Variants in DMD observed in about 807,000 individuals in gnomAD.
DMD encodes the protein dystrophin, also known as mutant dystrophin.
In DMD, 63 loss-of-function variants were observed where a neutral mutation model predicts 330.1. The ratio of observed to expected loss-of-function variants is 0.19; its 90% CI spans 0.16 to 0.24. The LOEUF is 0.24. Among genes scored for constraint, DMD ranks in the 10% least tolerant of loss-of-function variants. The pLI, the probability that DMD is intolerant of heterozygous loss-of-function variation, is 1.00. For synonymous variants in DMD, 1,223 were observed against 959.8 expected, an observed-to-expected ratio of 1.27 and a Z score of -5.07; for missense variants, 3,344 against 2,684.1, an observed-to-expected ratio of 1.25 and a Z score of -5.43.
At chrX:31,986,842 G>A (rs1047274825) in intron 44 of DMD, among the ~76,000 whole-genome samples, 1 of 112,221 alleles carries the variant, frequency 8.9e-6, no homozygotes, top group Non-Finnish European at 1.9e-5. Context: ...GAACTAAAAT[G>A]GGCACAGAAC....
At chrX:33,330,264 G>A (rs2054151604) in intron 1 of DMD, among the ~76,000 whole-genome samples, 1 of 110,914 alleles carries the variant, frequency 9.0e-6, no homozygotes, top group African/African-American at 3.3e-5. Flanking sequence ...GGAGGAGTTG[G>A]GTGTGAGGCT....
chrX:32,809,919 C>CCAAAAAAAAAAAAAAAAAA (rs2077222247), intron 6 of DMD, among the ~76,000 whole-genome samples: 2 of 28,659 alleles, frequency 7.0e-5, no homozygotes, highest in Admixed American at 6.6e-4. Flanking sequence ...TTGTTTCTAC[C>CCAAAAAAAAAAAAAAAAAA]AAAAAAAAAA....
rs181015618 is a variant in DMD at position 33,166,408 on chromosome X, T to C, written c.31+44874A>G. On this transcript the variant is annotated intron_variant, in intron 1 of 78. Transcript: ENST00000357033. ...ATTTCCCTTTCCAAATAATAACCCA[T>C]ACTCCTAAATTAAAACTTATGGTGA... Among the ~76,000 whole-genome samples, 10 of 111,718 alleles carry C rather than the reference T, an allele frequency of 9.0e-5. No homozygotes were observed. In the East Asian group the frequency reaches 2.8e-3, roughly 31 times the overall value.
At chrX:32,125,481 C>T (rs2096657309) in intron 44 of DMD, among the ~76,000 whole-genome samples, 1 of 111,428 alleles carries the variant, frequency 9.0e-6, no homozygotes, top group Non-Finnish European at 1.9e-5. Context: ...TCTGAGTTGC[C>T]TCTGATACAT....
At chrX:32,243,146 G>T (rs2097215799) in intron 43 of DMD, among the ~76,000 whole-genome samples, 1 of 109,651 alleles carries the variant, frequency 9.1e-6, no homozygotes, top group Non-Finnish European at 1.9e-5. Flanking sequence ...AATAGGAGAT[G>T]AAATTATATG....
chrX:31,918,190 C>T (rs1025633361), intron 47 of DMD, among the ~76,000 whole-genome samples: 6 of 112,339 alleles, frequency 5.3e-5, no homozygotes, highest in African/African-American at 1.3e-4. Context: ...TTTAACTCCT[C>T]GTAATAAAGT....
intron 57 of DMD, among the ~76,000 whole-genome samples, chrX:31,495,194 T>C (rs1376543239): frequency 9.2e-6 from 1 of 109,283 alleles, no homozygotes; most frequent in Non-Finnish European, 1.9e-5. Context: ...TCATGTTCTC[T>C]TCCCTTTTTA....
chrX:31,438,919 G>T (rs1039891851), intron 60 of DMD, among the ~76,000 whole-genome samples: 4 of 111,271 alleles, frequency 3.6e-5, no homozygotes, highest in African/African-American at 9.8e-5. Context: ...CCAAAGTAAA[G>T]AATATAAATG....
intron 1 of DMD, among the ~76,000 whole-genome samples, chrX:33,223,302 G>A (rs191063654): frequency 1.8e-5 from 2 of 111,649 alleles, no homozygotes; most frequent in African/African-American, 3.3e-5. Context: ...CAGAGAGAGG[G>A]AGACTCCATC....
intron 2 of DMD, among the ~76,000 whole-genome samples, chrX:32,991,500 A>C (rs2092974669): frequency 2.7e-5 from 3 of 112,133 alleles, no homozygotes. Flanking sequence ...GAGCACTTCA[A>C]ATGTAGCTAG....
chrX:32,356,104 C>A (rs1386887121), intron 37 of DMD, among the ~76,000 whole-genome samples: 1 of 110,282 alleles, frequency 9.1e-6, no homozygotes, highest in Non-Finnish European at 1.9e-5. Context: ...CAATCCAATA[C>A]ATCTTCATTG....
chrX:32,431,708 TTTTC>T (rs1446248406), intron 29 of DMD, among the ~76,000 whole-genome samples: 5 of 111,888 alleles, frequency 4.5e-5, no homozygotes, highest in Non-Finnish European at 9.4e-5. Context: ...TTTTACAATG[TTTTC>T]TTTTTTATAA....
In DMD at chrX:33,095,137, T is replaced by A. The variant is rs2095139978; in HGVS notation, c.32-74937A>T. Among the ~76,000 whole-genome samples the A allele has an allele frequency of 4.4e-5, 5 of 112,507 alleles. No individual in the cohort carries two copies. In the South Asian group the frequency reaches 1.8e-3, roughly 41 times the overall value. ...TATATAATTTTTAAAATACATAAAA[T>A]CTTAATGTGTACAACACACATATGA... On this transcript the variant is annotated intron_variant, in intron 1 of 78. Coordinates refer to ENST00000357033, the MANE Select transcript of DMD (RefSeq NM_004006.3).
intron 2 of DMD, among the ~76,000 whole-genome samples, chrX:33,010,027 T>C (rs747705388): frequency 2.3e-5 from 1 of 44,015 alleles, no homozygotes; most frequent in African/African-American, 5.2e-5. Context: ...CATATGTGTG[T>C]ACATGTGTAT....
rs189554125 is a variant in DMD at position 31,821,123 on chromosome X, T to C, written c.7201-1040A>G. 1.3e-3 allele frequency among the ~76,000 whole-genome samples: 148 copies of C among 112,752 alleles called. 1 individual carries two copies. The highest frequency in any genetic ancestry group is 4.7e-3 in the African/African-American group (146 of 31,095). ...CCACATTTTTTTTCCTTTCTATTGC[T>C]GGAAGCAGAAGACTCTTAGGTCCTA... On this transcript the variant is annotated intron_variant, in intron 49 of 78. Transcript: ENST00000357033.
At chrX:31,727,389 TC>T (rs1380718708) in intron 52 of DMD, among the ~76,000 whole-genome samples, 3 of 111,890 alleles carry the variant, frequency 2.7e-5, no homozygotes. Flanking sequence ...CCAAATCTGT[TC>T]CTCTTCCTAG....
intron 2 of DMD, among the ~76,000 whole-genome samples, chrX:32,956,593 G>A (rs2091601539): frequency 8.9e-6 from 1 of 111,822 alleles, no homozygotes; most frequent in Non-Finnish European, 1.9e-5. Flanking sequence ...AGCACAAGAA[G>A]CTTTTGGGCT....
chrX:33,333,077 AG>A (rs1462925907), intron 1 of DMD, among the ~76,000 whole-genome samples: 1 of 110,881 alleles, frequency 9.0e-6, no homozygotes, highest in African/African-American at 3.3e-5. Flanking sequence ...TAAATTTGCC[AG>A]GGGTAGAGCC....
intron 48 of DMD, among the ~76,000 whole-genome samples, chrX:31,850,865 C>T (rs777171705): frequency 2.7e-5 from 3 of 112,226 alleles, no homozygotes; most frequent in South Asian, 3.7e-4. Context: ...ATTTCTGGGA[C>T]AAAAAAACCA....
Sources: allele counts gnomAD v4.1 joint callset (sites outside exome capture counted in the v4.1 genomes callset), GRCh38; gene constraint gnomAD v4.1.1; transcripts MANE v1.5; gene names NCBI Gene and HGNC (gene_info 2026-07-23, HGNC 2026-07-21).